COL5A2: variants seen among roughly 807,000 people sequenced by gnomAD.
COL5A2 encodes the protein collagen alpha-2(V) chain.
In COL5A2, 23 loss-of-function variants were observed where a neutral mutation model predicts 208.2. That is an observed-to-expected ratio of 0.11 (90% CI 0.08 to 0.16). The LOEUF (loss-of-function observed/expected upper bound fraction) is 0.16, where lower values mean the gene tolerates loss of function less well. COL5A2 is among the 10% of genes least tolerant of loss of function. The pLI, the probability that COL5A2 is intolerant of heterozygous loss-of-function variation, is 1.00. For missense variants in COL5A2, 1,590 were observed against 1,956.4 expected, an observed-to-expected ratio of 0.81 and a Z score of 3.53; for synonymous variants, 625 against 628.5, an observed-to-expected ratio of 0.99 and a Z score of 0.08.
intron 6 of COL5A2, among the ~76,000 whole-genome samples, chr2:189,094,412 C>T (rs1422179940): frequency 2.6e-5 from 4 of 151,566 alleles, no homozygotes; most frequent in Non-Finnish European, 5.9e-5. Context: ...CATTTATTAT[C>T]ATTCCCTTCC....
rs773321546 is a variant in COL5A2, at chr2:189,039,481, T to C, written c.3716A>G (p.His1239Arg). The C allele has an allele frequency of 2.5e-6, 4 of 1,614,070 alleles. No homozygotes were observed. The highest frequency in any genetic ancestry group is 2.2e-5 in the South Asian group (2 of 91,060). Residue 1239 changes from histidine to arginine, a missense_variant, in exon 51 of 54, where the codon CAC (histidine) becomes CGC (arginine). By Grantham distance (29) the His-to-Arg change is conservative (BLOSUM62 0). Coordinates refer to ENST00000374866, the MANE Select transcript of COL5A2 (RefSeq NM_000393.5). ...TGGATCTGGCATGCTTTCATCATAG[T>C]GCCCCATGATATCCCCAAGAGCAGC... ...LTAALGDIMG[H>R]YDESMPDPLP... is the part of the protein sequence containing the mutation.
chr2:189,100,721 C>CA (rs2105691609), intron 3 of COL5A2, among the ~76,000 whole-genome samples: 1 of 151,698 alleles, frequency 6.6e-6, no homozygotes, highest in South Asian at 2.1e-4. Context: ...AGATGATTCT[C>CA]AATACCTGAA....
At chr2:189,170,901 T>C (rs1179628240) in intron 1 of COL5A2, among the ~76,000 whole-genome samples, 1 of 152,138 alleles carries the variant, frequency 6.6e-6, no homozygotes, top group Non-Finnish European at 1.5e-5. Flanking sequence ...GAGAGTGACA[T>C]TATAAAAGTG....
intron 37 of COL5A2, 135 bp from the exon 38 acceptor site, chr2:189,053,612 C>T (rs1256491786): frequency 7.3e-6 from 6 of 822,628 alleles, no homozygotes; most frequent in Non-Finnish European, 9.9e-6. Flanking sequence ...TAAGGAAGGT[C>T]CTTAAGGATT....
At chr2:189,329,350 C>T in the COL5A2 span, among the ~76,000 whole-genome samples, 1 of 152,092 alleles carries the variant, frequency 6.6e-6, no homozygotes, top group South Asian at 2.1e-4. Flanking sequence ...ATATATTGGA[C>T]AAAGGGCACA....
chr2:189,255,325 A>G, the COL5A2 span, among the ~76,000 whole-genome samples: 2 of 152,228 alleles, frequency 1.3e-5, no homozygotes, highest in Non-Finnish European at 2.9e-5. Context: ...TTGTGTAGTC[A>G]TTCAACATTT....
At chr2:189,283,319 G>T in the COL5A2 span, among the ~76,000 whole-genome samples, 1 of 151,664 alleles carries the variant, frequency 6.6e-6, no homozygotes, top group South Asian at 2.1e-4. Context: ...AAGGAGAAAA[G>T]ATAAAATTTA....
chr2:189,212,554 G>T (rs1689227905), intron 1 of COL5A2, among the ~76,000 whole-genome samples: 1 of 151,504 alleles, frequency 6.6e-6, no homozygotes, highest in Non-Finnish European at 1.5e-5. Context: ...CAGGAGAATT[G>T]CTTGAACCCA....
the COL5A2 span, among the ~76,000 whole-genome samples, chr2:189,346,190 G>A: frequency 6.6e-6 from 1 of 152,152 alleles, no homozygotes; most frequent in Non-Finnish European, 1.5e-5. Flanking sequence ...AAAGAAAATT[G>A]GATTGGGGTC....
At chr2:189,392,143 A>T in the COL5A2 span, among the ~76,000 whole-genome samples, 1 of 152,194 alleles carries the variant, frequency 6.6e-6, no homozygotes, top group South Asian at 2.1e-4. Flanking sequence ...GTTATAAAAT[A>T]TCTGAGAAGT....
chr2:189,105,604 A>G (rs1181589658), intron 2 of COL5A2, among the ~76,000 whole-genome samples: 3 of 151,366 alleles, frequency 2.0e-5, no homozygotes, highest in African/African-American at 7.3e-5. Context: ...AAGAATATTA[A>G]TTCTTTGTGA....
the COL5A2 span, among the ~76,000 whole-genome samples, chr2:189,335,221 A>C: frequency 6.6e-6 from 1 of 152,080 alleles, no homozygotes; most frequent in Non-Finnish European, 1.5e-5. Flanking sequence ...AAAAGTTAAC[A>C]CTATCATCAC....
intron 1 of COL5A2, among the ~76,000 whole-genome samples, chr2:189,177,620 A>T (rs1022373768): frequency 2.6e-5 from 4 of 152,150 alleles, no homozygotes; most frequent in Admixed American, 1.3e-4. Context: ...ATTCTGTAAA[A>T]TTTGATGTTT....
chr2:189,201,200 A>G (rs867566991), intron 1 of COL5A2, among the ~76,000 whole-genome samples: 6 of 152,212 alleles, frequency 3.9e-5, no homozygotes, highest in Middle Eastern at 6.8e-3. Context: ...AATTGGAAAA[A>G]TACTGTTGGA....
chr2:189,383,216 G>A, the COL5A2 span, among the ~76,000 whole-genome samples: 1 of 152,218 alleles, frequency 6.6e-6, no homozygotes, highest in Non-Finnish European at 1.5e-5. Context: ...TCTAAAGGCT[G>A]TAAGTCCAAG....
At chr2:189,276,773 C>G in the COL5A2 span, among the ~76,000 whole-genome samples, 1 of 152,046 alleles carries the variant, frequency 6.6e-6, no homozygotes, top group South Asian at 2.1e-4. Flanking sequence ...TTTATTTTCT[C>G]TTTTGCAATG....
At chr2:189,432,898 G>A in the COL5A2 span, among the ~76,000 whole-genome samples, 9 of 152,026 alleles carry the variant, frequency 5.9e-5, no homozygotes, top group African/African-American at 9.7e-5. Context: ...GCGCCACATC[G>A]CCCTCATTCT....
intron 1 of COL5A2, among the ~76,000 whole-genome samples, chr2:189,195,870 A>G (rs988116987): frequency 2.6e-5 from 4 of 152,210 alleles, no homozygotes; most frequent in Non-Finnish European, 5.9e-5. Flanking sequence ...AAAGCCTAGG[A>G]AATACCATTC....
chr2:189,282,578 A>G, the COL5A2 span, among the ~76,000 whole-genome samples: 2 of 152,342 alleles, frequency 1.3e-5, no homozygotes, highest in Non-Finnish European at 2.9e-5. Context: ...TTAGGCAGAG[A>G]GGCTAACAGA....
Sources: gnomAD v4.1 joint callset for allele counts (sites outside exome capture counted in the v4.1 genomes callset) on GRCh38, gnomAD v4.1.1 for gene constraint, MANE v1.5 for transcripts, NCBI Gene and HGNC (gene_info 2026-07-23, HGNC 2026-07-21) for gene names.